SLC1A7: variants seen among roughly 807,000 people sequenced by gnomAD.
SLC1A7 encodes the protein excitatory amino acid transporter 5.
Under a neutral mutation model 47.7 loss-of-function variants are expected in SLC1A7, and 40 were observed. The ratio of observed to expected loss-of-function variants is 0.84; its 90% confidence interval spans 0.65 to 1.09. The LOEUF is 1.09. Ranked by LOEUF, SLC1A7 falls within the 50% of genes least tolerant of loss-of-function variation. The probability of loss-of-function intolerance (pLI) is 0.00; values close to 1 mark genes in which losing one functional copy is unlikely to be tolerated. For missense variants in SLC1A7, 746 were observed against 769.5 expected, an observed-to-expected ratio of 0.97 and a Z score of 0.36; for synonymous variants, 323 against 325.6, an observed-to-expected ratio of 0.99 and a Z score of 0.09.
At chr1:53,104,837 G>A (rs1475605115) in intron 4 of SLC1A7, among the ~76,000 whole-genome samples, 1 of 152,152 alleles carries the variant, frequency 6.6e-6, no homozygotes, top group Non-Finnish European at 1.5e-5. Flanking sequence ...TTTAGAAAGG[G>A]AAAAAGAATT....
intron 2 of SLC1A7, among the ~76,000 whole-genome samples, chr1:53,129,467 GAA>G (rs1186013099): frequency 0.041 from 4,842 of 117,234 alleles, 21 homozygotes; most frequent in Middle Eastern, 0.068. Context: ...TGTGACAGAT[GAA>G]GCCACCACTG....
chr1:53,119,497 C>A (rs545785344), intron 2 of SLC1A7, among the ~76,000 whole-genome samples: 1 of 152,066 alleles, frequency 6.6e-6, no homozygotes, highest in Non-Finnish European at 1.5e-5. Flanking sequence ...TACAGGCACT[C>A]GACACCATGC....
Position 53,092,733 on chromosome 1 carries a change from G to C in SLC1A7, c.852C>G (p.Asp284Glu). 1.2e-6 allele frequency: 2 copies of C among 1,614,032 alleles called. No homozygotes were observed. Among genetic ancestry groups the C allele is most frequent in the Non-Finnish European group, 1.7e-6 (2 of 1,179,966 alleles). The part of the protein sequence containing the change: ...FLIAGKILEM[D>E]DPRAVGKKLG... ...GCTTCTTGCCGACGGCCCTGGGGTCGTCCATCTCCAGGATCTTACCCGCAA... is the reference window on the plus strand; with the variant it reads ...GCTTCTTGCCGACGGCCCTGGGGTCCTCCATCTCCAGGATCTTACCCGCAA... Residue 284 changes from aspartate to glutamate, a missense_variant, in exon 7 of 11, where the codon GAC becomes GAG. Physicochemically the swap from Asp to Glu is conservative, Grantham distance 45. Coordinates refer to ENST00000371494, the MANE Select transcript of SLC1A7 (RefSeq NM_006671.6).
At position 53,090,770 on chromosome 1, in the gene SLC1A7, C is replaced by G. The variant is rs1644412457; in HGVS notation, c.1068G>C (p.Leu356=). 6.2e-7 allele frequency: 1 copy of G among 1,613,312 alleles called. No individual in the cohort carries two copies. The highest frequency in any genetic ancestry group is 1.1e-5 in the South Asian group (1 of 90,868). Residue 356 remains leucine, a synonymous_variant, in exon 8 of 11, where the codon CTG becomes CTC. Transcript: ENST00000371494. ...TGCGCCGGTCGATGTGGTTGTTCTC[C>G]AGCAGGCACTTGAAGGTGATGGGCA... ...ATLPITFKCL[L]ENNHIDRRIA...
intron 5 of SLC1A7, among the ~76,000 whole-genome samples, chr1:53,095,917 C>CACTCACACAAACTGCCTT (rs1557669277): frequency 4.0e-5 from 6 of 149,608 alleles, no homozygotes; most frequent in Non-Finnish European, 8.9e-5. Flanking sequence ...CAACCCGCCT[C>CACTCACACAAACTGCCTT]GGTACACTCA....
Position 53,125,890 on chromosome 1 carries a change from A to G in SLC1A7, c.215+8460T>C, listed in dbSNP as rs1644877059. 2.0e-5 allele frequency among the ~76,000 whole-genome samples: 3 copies of G among 152,216 alleles called. No individual in the cohort carries two copies. In the South Asian group the frequency reaches 6.2e-4, roughly 32 times the overall value. ...TGAATGAAATAAGCTGACTGTGGCC[A>G]CGGGGTGGAGGCCTCCAGAGGGACA... On this transcript the variant is annotated intron_variant, in intron 2 of 10. Transcript: ENST00000371494.
At chr1:53,129,356 C>CA (rs1451805896) in intron 2 of SLC1A7, among the ~76,000 whole-genome samples, 1 of 152,144 alleles carries the variant, frequency 6.6e-6, no homozygotes, top group African/African-American at 2.4e-5. Flanking sequence ...GGCTTGTTTA[C>CA]ATTTGCACAT....
chr1:53,142,635 T>C lies in SLC1A7; in HGVS notation c.-186A>G. 2 of 577,182 alleles carry C rather than the reference T, an allele frequency of 3.5e-6. No individual in the cohort carries two copies. The highest frequency in any genetic ancestry group is 6.0e-6 in the Non-Finnish European group (2 of 335,100). The allele number at this position is 577,182 out of a possible 1,614,324, so 35.8% of individuals were successfully genotyped here. Reference sequence around the variant, plus strand: ...CCTTAGAGGGAAGCCACAATCCTATTACCAGCTGCATCATTAGGAGCTGGG... The same window carrying C: ...CCTTAGAGGGAAGCCACAATCCTATCACCAGCTGCATCATTAGGAGCTGGG... On this transcript the variant is annotated 5_prime_UTR_variant, in exon 1 of 11. Coordinates refer to ENST00000371494, the MANE Select transcript of SLC1A7 (RefSeq NM_006671.6).
At chr1:53,104,152 C>A (rs988869670) in intron 4 of SLC1A7, among the ~76,000 whole-genome samples, 16 of 152,182 alleles carry the variant, frequency 1.1e-4, no homozygotes, top group African/African-American at 3.6e-4. Context: ...CTCCTCTCCC[C>A]TCAAACATCA....
intron 1 of SLC1A7, among the ~76,000 whole-genome samples, chr1:53,141,261 C>T (rs1439566308): frequency 6.6e-6 from 1 of 152,126 alleles, no homozygotes; most frequent in Admixed American, 6.5e-5. Context: ...CCCTGGCCTG[C>T]CTTCAACAAG....
chr1:53,107,179 AG>A (rs1644652926), intron 3 of SLC1A7, among the ~76,000 whole-genome samples: 2 of 149,074 alleles, frequency 1.3e-5, no homozygotes, highest in Non-Finnish European at 3.0e-5. Context: ...AAAAAAAAAA[AG>A]GCAAAGAAAC....
chr1:53,105,669 C>CT, intron 4 of SLC1A7, 63 bp downstream of exon 4: 1 of 1,286,572 alleles, frequency 7.8e-7, no homozygotes, highest in Non-Finnish European at 1.1e-6. Flanking sequence ...GCCACTAGCC[C>CT]TGCTGCCTGC....
At position 53,128,785 on chromosome 1, in the gene SLC1A7, AG is replaced by A. The variant is rs1310184660; in HGVS notation, c.215+5564del. 2.2e-3 allele frequency among the ~76,000 whole-genome samples: 307 copies of A among 142,678 alleles called. 45 individuals carry two copies. Among genetic ancestry groups the A allele is most frequent in the African/African-American group, 7.4e-3 (286 of 38,666 alleles). 93.6% of individuals were successfully genotyped at this position (142,678 alleles called of 152,430 possible). A position where few individuals can be genotyped will look rare whatever the true frequency, so the allele number is the denominator to read the frequency against. On this transcript the variant is annotated intron_variant, in intron 2 of 10. Transcript: ENST00000371494. ...CCATGAAGATGGAAGAAGCCATCCA[AG>A]GGGCTTCCTGCTGAGAGCAGTGACA...
Position 53,089,879 on chromosome 1 carries a change from CG to C in SLC1A7, c.1281del (p.Val428SerfsTer33). ...IGAAGIPQAG[L>X]VTMVIVLTSV... ...GAGGTGAGCACGATGACCATGGTGA[CG>C]AGGCCGGCCTGGGGGATGCCAGCTG... On this transcript the variant is annotated frameshift_variant, in exon 9 of 11. Coordinates refer to ENST00000371494, the MANE Select transcript of SLC1A7 (RefSeq NM_006671.6). LOFTEE classifies it high-confidence loss of function. The C allele has an allele frequency of 6.2e-7, 1 of 1,613,818 alleles. No individual in the cohort carries two copies. The highest frequency in any genetic ancestry group is 8.5e-7 in the Non-Finnish European group (1 of 1,179,990).
intron 1 of SLC1A7, among the ~76,000 whole-genome samples, chr1:53,138,645 G>A (rs553212991): frequency 7.3e-4 from 111 of 151,476 alleles, no homozygotes; most frequent in African/African-American, 2.6e-3. Flanking sequence ...TAGGATTACA[G>A]GCATGAGCCA....
intron 3 of SLC1A7, chr1:53,108,610 G>T: frequency 1.4e-6 from 1 of 717,970 alleles, no homozygotes; most frequent in Non-Finnish European, 2.6e-6. Flanking sequence ...CCTTTGGTCC[G>T]TTCCTCCAAC....
At chr1:53,140,307 G>A (rs1645043707) in intron 1 of SLC1A7, among the ~76,000 whole-genome samples, 1 of 152,156 alleles carries the variant, frequency 6.6e-6, no homozygotes, top group Admixed American at 6.5e-5. Context: ...ATTCCAATTT[G>A]TTTTCACAAA....
chr1:53,100,016 G>C (rs1365077517), intron 5 of SLC1A7, among the ~76,000 whole-genome samples: 1 of 146,264 alleles, frequency 6.8e-6, no homozygotes, highest in African/African-American at 2.6e-5. Context: ...CACACACCTT[G>C]TCTTGGTACA....
At chr1:53,099,804 TACAC>T (rs1304179269) in intron 5 of SLC1A7, among the ~76,000 whole-genome samples, 1 of 116,598 alleles carries the variant, frequency 8.6e-6, no homozygotes, top group Non-Finnish European at 1.8e-5. Context: ...TCGGTACACT[TACAC>T]ACCCCACCTT....
Sources: allele counts gnomAD v4.1 joint callset (sites outside exome capture counted in the v4.1 genomes callset), GRCh38; gene constraint gnomAD v4.1.1; transcripts MANE v1.5; gene names NCBI Gene and HGNC (gene_info 2026-07-23, HGNC 2026-07-21).